Variants in ARHGEF3 observed in about 807,000 individuals in gnomAD.
ARHGEF3 encodes Rho guanine nucleotide exchange factor 3.
A neutral mutation model predicts 63.2 loss-of-function variants in ARHGEF3; 28 were observed. That is an observed-to-expected ratio of 0.44 (90% CI 0.33 to 0.61). The LOEUF is 0.61. ARHGEF3 is among the 20% of genes least tolerant of loss of function. The pLI, the probability that ARHGEF3 is intolerant of heterozygous loss-of-function variation, is 0.03. For synonymous variants in ARHGEF3, 266 were observed against 254.2 expected, an observed-to-expected ratio of 1.05 and a Z score of -0.44; for missense variants, 533 against 659.3, an observed-to-expected ratio of 0.81 and a Z score of 2.10.
At chr3:56,935,767 C>T (rs971203200) in intron 3 of ARHGEF3, among the ~76,000 whole-genome samples, 3 of 152,182 alleles carry the variant, frequency 2.0e-5, no homozygotes, top group Admixed American at 1.3e-4. Context: ...GTAACACTCA[C>T]CACGAGGGTC....
At chr3:56,914,934 C>T (rs1161446768) in intron 3 of ARHGEF3, among the ~76,000 whole-genome samples, 1 of 151,820 alleles carries the variant, frequency 6.6e-6, no homozygotes, top group Non-Finnish European at 1.5e-5. Flanking sequence ...GTGATGGTTG[C>T]ACAACATTAT....
intron 1 of ARHGEF3, among the ~76,000 whole-genome samples, chr3:57,055,039 G>A (rs1003005451): frequency 2.0e-5 from 3 of 151,950 alleles, no homozygotes; most frequent in South Asian, 2.1e-4. Flanking sequence ...ATCCTTTGTT[G>A]AACATATGTA....
In ARHGEF3 at chr3:56,756,501, C is replaced by T. The variant is rs1018874286; in HGVS notation, c.205-1350G>A. Among the ~76,000 whole-genome samples, 11 of 150,586 alleles carry T rather than the reference C, an allele frequency of 7.3e-5. No homozygotes were observed. The East Asian group carries it at 1.8e-3, about 24-fold the overall frequency. On this transcript the variant is annotated intron_variant, in intron 2 of 9. Coordinates refer to ENST00000296315, the MANE Select transcript of ARHGEF3 (RefSeq NM_019555.3). Reference sequence around the variant, plus strand: ...GCCATCCCTCTGTACTCCCTTCAAACAATCTTCTCTTCCTGGAATGTGTTT... The same window carrying T: ...GCCATCCCTCTGTACTCCCTTCAAATAATCTTCTCTTCCTGGAATGTGTTT...
chr3:57,071,684 T>C (rs1005335156), intron 1 of ARHGEF3, among the ~76,000 whole-genome samples: 6 of 150,736 alleles, frequency 4.0e-5, no homozygotes, highest in Non-Finnish European at 8.8e-5. Context: ...AAATATGCCT[T>C]AGGCATAAGT....
chr3:56,967,268 TATA>T (rs1302364045), intron 2 of ARHGEF3, among the ~76,000 whole-genome samples: 4 of 87,294 alleles, frequency 4.6e-5, no homozygotes, highest in African/African-American at 6.5e-5. Flanking sequence ...CATACTTATA[TATA>T]ATAATATTAT....
intron 3 of ARHGEF3, among the ~76,000 whole-genome samples, chr3:56,893,811 C>CAAAAAAA (rs537483698): frequency 1.1e-4 from 9 of 79,560 alleles, no homozygotes; most frequent in African/African-American, 2.3e-4. Context: ...GACTCTGTCT[C>CAAAAAAA]AAAAAAAAAA....
chr3:57,045,907 C>T (rs1351777210), intron 1 of ARHGEF3, among the ~76,000 whole-genome samples: 2 of 152,192 alleles, frequency 1.3e-5, no homozygotes, highest in African/African-American at 4.8e-5. Flanking sequence ...TTCATAGAAT[C>T]AACACACATC....
intron 2 of ARHGEF3, among the ~76,000 whole-genome samples, chr3:57,029,250 G>C (rs1046403235): frequency 5.3e-5 from 8 of 152,086 alleles, no homozygotes; most frequent in African/African-American, 1.9e-4. Context: ...GACCAACATG[G>C]AGAAACCCCG....
intron 2 of ARHGEF3, among the ~76,000 whole-genome samples, chr3:57,012,231 C>G (rs145817542): frequency 6.6e-6 from 1 of 152,108 alleles, no homozygotes; most frequent in Non-Finnish European, 1.5e-5. Context: ...TGTACCTGGT[C>G]GTGAACTAAG....
intron 3 of ARHGEF3, among the ~76,000 whole-genome samples, chr3:56,912,341 A>G (rs2041874825): frequency 6.6e-6 from 1 of 152,224 alleles, no homozygotes; most frequent in Non-Finnish European, 1.5e-5. Flanking sequence ...AAATGGGATA[A>G]CTTACCAAAT....
intron 4 of ARHGEF3, among the ~76,000 whole-genome samples, chr3:56,827,124 T>C (rs1354630204): frequency 6.6e-6 from 1 of 152,126 alleles, no homozygotes; most frequent in Non-Finnish European, 1.5e-5. Flanking sequence ...TATAAAAAGA[T>C]AAAATCACTT....
intron 4 of ARHGEF3, among the ~76,000 whole-genome samples, chr3:56,856,237 A>G (rs972562358): frequency 1.3e-5 from 2 of 152,250 alleles, no homozygotes; most frequent in Admixed American, 1.3e-4. Flanking sequence ...CGGAGGGATA[A>G]TAAGAGGAAC....
chr3:56,882,210 C>T (rs2040789353), intron 4 of ARHGEF3: 3 of 1,365,666 alleles, frequency 2.2e-6, no homozygotes, highest in East Asian at 5.1e-5. Context: ...CCACTTCAAG[C>T]ACACAGCATA....
At chr3:56,805,643 A>G (rs1471529574), upstream of ARHGEF3, among the ~76,000 whole-genome samples, 1 of 152,188 alleles carries the variant, frequency 6.6e-6, no homozygotes, top group Non-Finnish European at 1.5e-5. Context: ...CTCTTAAAAC[A>G]TTTCTTTGCT....
At position 56,882,903 on chromosome 3, in the gene ARHGEF3, C is replaced by A. The variant is rs551678915; in HGVS notation, c.130-549G>T. 3.9e-5 allele frequency among the ~76,000 whole-genome samples: 6 copies of A among 152,262 alleles called. No homozygotes were observed. The South Asian group carries it at 1.2e-3, about 32-fold the overall frequency. ...ATTGGTTTGTGTTACTATTCTTATGCTTGCTGTCACAGTTTGTTTCTCTTT... is the reference window on the plus strand; with the variant it reads ...ATTGGTTTGTGTTACTATTCTTATGATTGCTGTCACAGTTTGTTTCTCTTT... On this transcript the variant is annotated intron_variant, in intron 3 of 12. Coordinates refer to the ARHGEF3 transcript ENST00000338458.
intron 4 of ARHGEF3, among the ~76,000 whole-genome samples, chr3:56,854,218 T>A (rs1474859674): frequency 6.6e-6 from 1 of 151,076 alleles, no homozygotes; most frequent in African/African-American, 2.4e-5. Flanking sequence ...AAAAAACAAT[T>A]AGGCACAAAA....
exon 3 of ARHGEF3, chr3:56,958,864 A>G: frequency 6.4e-7 from 1 of 1,551,676 alleles, no homozygotes; most frequent in Non-Finnish European, 8.7e-7. Flanking sequence ...AACATGGGAA[A>G]GTTGTTTTGC....
In ARHGEF3 at chr3:56,971,704, A is replaced by C. The variant is rs182989967; in HGVS notation, c.63-12815T>G. ...ATCTCTACTAAAAATACAAAAAAAA[A>C]ATTAGTGGGCATGGTGGCGGGCAAC... is the stretch of plus-strand genomic sequence containing the variant. On this transcript the variant is annotated intron_variant, in intron 2 of 12. Transcript: ENST00000338458. Among the ~76,000 whole-genome samples, 175 of 151,922 alleles carry C rather than the reference A, an allele frequency of 1.2e-3. 5 individuals are homozygous for C. The East Asian group carries it at 0.032, about 28-fold the overall frequency.
At chr3:56,735,055 G>A (rs2033507616) in intron 8 of ARHGEF3, among the ~76,000 whole-genome samples, 1 of 152,110 alleles carries the variant, frequency 6.6e-6, no homozygotes, top group South Asian at 2.1e-4. Context: ...AGGCCGAGGT[G>A]GACGGATCAC....
Sources: gnomAD v4.1 joint callset for allele counts (sites outside exome capture counted in the v4.1 genomes callset) on GRCh38, gnomAD v4.1.1 for gene constraint, MANE v1.5 for transcripts, NCBI Gene and HGNC (gene_info 2026-07-23, HGNC 2026-07-21) for gene names.